Variants in WBP11 observed in about 807,000 individuals in gnomAD.
WBP11 encodes the protein WW domain-binding protein 11.
Under a neutral mutation model 66.7 loss-of-function variants are expected in WBP11, and 12 were observed. That is an observed-to-expected ratio of 0.18 (90% confidence interval 0.12 to 0.29). The LOEUF is 0.29. WBP11 is among the 10% of genes least tolerant of loss of function. The pLI is 1.00. For synonymous variants in WBP11, 255 were observed against 273.8 expected (o/e 0.93, Z 0.68); for missense variants, 555 against 818.3 (o/e 0.68, Z 3.93).
At chr12:14,801,525 T>C in intron 1 of WBP11, 97 bp from the exon 2 acceptor site, 1 of 736,282 alleles carries the variant, frequency 1.4e-6, no homozygotes, top group Non-Finnish European at 2.2e-6. Context: ...TTCCTTTAAT[T>C]AGAAATTCTG....
intron 10 of WBP11, 138 bp from the exon 11 acceptor site, chr12:14,789,271 A>G: frequency 1.2e-6 from 1 of 823,612 alleles, no homozygotes; most frequent in South Asian, 2.0e-5. Context: ...ACATACATGG[A>G]AACAGAATTC....
At chr12:14,801,151 A>C in intron 2 of WBP11, 169 bp downstream of exon 2, 1 of 541,762 alleles carries the variant, frequency 1.8e-6, no homozygotes. Context: ...ACGGGTACTA[A>C]TTTCTTTGCA....
At chr12:14,801,112 G>A (rs1338938947) in intron 2 of WBP11, 1 of 488,270 alleles carries the variant, frequency 2.0e-6, no homozygotes, top group African/African-American at 2.0e-5. Context: ...ATTCTACTTT[G>A]CAAGTCAATC....
At chr12:14,795,575 C>T (rs759211299) in intron 5 of WBP11, among the ~76,000 whole-genome samples, 3 of 151,920 alleles carry the variant, frequency 2.0e-5, no homozygotes, top group Non-Finnish European at 4.4e-5. Flanking sequence ...AATAAAACTA[C>T]AAAAATTAGC....
intron 10 of WBP11, 40 bp downstream of exon 10, chr12:14,790,416 A>G: frequency 3.8e-6 from 6 of 1,593,170 alleles, no homozygotes; most frequent in Non-Finnish European, 5.1e-6. Flanking sequence ...ACTTCATTCT[A>G]ACCTCATTTA....
chr12:14,794,404 C>CTGT (rs759336456), intron 7 of WBP11, 133 bp downstream of exon 7: 2 of 956,808 alleles, frequency 2.1e-6, no homozygotes. Context: ...ATTTATCCAA[C>CTGT]TGTATGTATA....
At position 14,791,215 on chromosome 12, in the gene WBP11, GTTC is replaced by G; in HGVS notation, c.966_968del (p.Lys322del). 9.3e-6 allele frequency: 15 copies of G among 1,614,086 alleles called. No individual in the cohort carries two copies. Among genetic ancestry groups the G allele is most frequent in the East Asian group, 2.2e-5 (1 of 44,868 alleles). The stretch of plus-strand genomic sequence containing the variant: ...CTTGAAGAGGAGTCAGTTCCTTCAT[GTTC>G]TTCTTTTTCTTCCTTGATTTTCCAG... On this transcript the variant is annotated inframe_deletion, in exon 9 of 12. Transcript: ENST00000261167.
At chr12:14,803,293 G>A (rs1592225477) in intron 1 of WBP11, 59 bp downstream of exon 1, 1 of 396,616 alleles carries the variant, frequency 2.5e-6, no homozygotes, top group Non-Finnish European at 4.4e-6. Flanking sequence ...GCCGCTGCGC[G>A]GGACGTGGAA....
At chr12:14,791,379 C>G (rs949405593) in intron 8 of WBP11, 109 bp from the exon 9 acceptor site, 22 of 771,000 alleles carry the variant, frequency 2.9e-5, no homozygotes, top group Non-Finnish European at 2.6e-5. Context: ...CACTACTTGG[C>G]AGAGGTGCAG....
At chr12:14,794,039 CAAAAAAAA>C (rs34287115) in intron 7 of WBP11, 117 bp from the exon 8 acceptor site, 3 of 331,702 alleles carry the variant, frequency 9.0e-6, no homozygotes, top group African/African-American at 2.6e-5. Context: ...TAATTCTTAC[CAAAAAAAA>C]AAAAAAAAAA....
chr12:14,786,995 A>C lies in WBP11; in HGVS notation c.*70T>G. On this transcript the variant is annotated 3_prime_UTR_variant, in exon 12 of 12. Coordinates refer to ENST00000261167, the MANE Select transcript of WBP11 (RefSeq NM_016312.3). ...ACAATGGAAGCAGCTCTTTCATCTA[A>C]GTTTAATAAGAGCCTCTTTCTCCAT... 1 of 1,414,292 alleles carries C rather than the reference A, an allele frequency of 7.1e-7. No homozygotes were observed. The highest frequency in any genetic ancestry group is 9.5e-7 in the Non-Finnish European group (1 of 1,054,476). 87.6% of individuals were successfully genotyped at this position (1,414,292 alleles called of 1,614,324 possible).
chr12:14,803,349 C>CA lies in WBP11; in HGVS notation c.-46+2dup. The CA allele has an allele frequency of 2.5e-6, 1 of 398,650 alleles. No homozygotes were observed. Among genetic ancestry groups the CA allele is most frequent in the Non-Finnish European group, 4.4e-6 (1 of 226,094 alleles). The allele number at this position is 398,650 out of a possible 1,614,324, so 24.7% of individuals were successfully genotyped here. On this transcript the variant is annotated splice_region_variant and intron_variant, in intron 1 of 11. Coordinates refer to ENST00000261167, the MANE Select transcript of WBP11 (RefSeq NM_016312.3). ...GAGTAGTAAATCAATTCAATACACT[C>CA]ACACTTCTGCTGTGCTCCCAGGACT...
intron 1 of WBP11, chr12:14,802,154 G>A (rs991917567): frequency 6.6e-6 from 1 of 152,142 alleles, no homozygotes; most frequent in East Asian, 1.9e-4. Flanking sequence ...GGTAATTAAA[G>A]GGAATACTTA....
Position 14,794,647 on chromosome 12 carries a change from G to C in WBP11, c.611C>G (p.Pro204Arg), listed in dbSNP as rs1322620532. The C allele has an allele frequency of 1.2e-6, 2 of 1,613,754 alleles. No individual in the cohort carries two copies. Among genetic ancestry groups the C allele is most frequent in the Admixed American group, 1.7e-5 (1 of 59,998 alleles). ...CACGACTTGAGGAGGAGGTGGACCAGGGGGAGGGCCAGGAGGTTTTCTGCC... is the reference window on the plus strand; with the variant it reads ...CACGACTTGAGGAGGAGGTGGACCACGGGGAGGGCCAGGAGGTTTTCTGCC... ...PPGRKPPGPPPGPPPPQVVQM... is the reference protein window; with the variant it reads ...PPGRKPPGPPRGPPPPQVVQM... Residue 204 changes from proline (P) to arginine (R), a missense_variant, in exon 7 of 12, where the codon CCT (proline) becomes CGT (arginine). This residue lies in a region of WBP11 where 220 missense variants were observed against 268.2 expected (regional missense o/e 0.82). Coordinates refer to ENST00000261167, the MANE Select transcript of WBP11 (RefSeq NM_016312.3).
chr12:14,800,925 T>C (rs1169911265), intron 2 of WBP11, 142 bp from the exon 3 acceptor site: 1 of 638,422 alleles, frequency 1.6e-6, no homozygotes, highest in Non-Finnish European at 2.6e-6. Context: ...TTCTCTCCAC[T>C]ACATGCCAAG....
Position 14,796,763 on chromosome 12 carries a change from GTATAA to G in WBP11, c.387+39_387+43del. 2 of 1,547,052 alleles carry G rather than the reference GTATAA, an allele frequency of 1.3e-6. No individual in the cohort carries two copies. Among genetic ancestry groups the G allele is most frequent in the Non-Finnish European group, 1.7e-6 (2 of 1,150,116 alleles). ...ACTTTGCATAAGGGATACTCAATCT[GTATAA>G]TATTTTAGTTTATCTCTCAAAAAAA... On this transcript the variant is annotated intron_variant, in intron 5 of 11. Coordinates refer to ENST00000261167, the MANE Select transcript of WBP11 (RefSeq NM_016312.3). The surrounding 1 kb of genome is among the most constrained non-coding windows in gnomAD (Gnocchi z 4.5).
At chr12:14,795,960 TAAA>T (rs1033213176) in intron 5 of WBP11, among the ~76,000 whole-genome samples, 6 of 152,156 alleles carry the variant, frequency 3.9e-5, no homozygotes, top group Admixed American at 3.9e-4. Flanking sequence ...TATTTTGAGG[TAAA>T]ATTTACGAAA....
At chr12:14,792,971 C>A (rs921343545) in intron 8 of WBP11, among the ~76,000 whole-genome samples, 1 of 152,078 alleles carries the variant, frequency 6.6e-6, no homozygotes, top group African/African-American at 2.4e-5. Flanking sequence ...TAGTTCCTAC[C>A]TAATAGTCCT....
intron 1 of WBP11, 136 bp from the exon 2 acceptor site, chr12:14,801,564 T>C: frequency 1.8e-6 from 1 of 564,040 alleles, no homozygotes; most frequent in Non-Finnish European, 3.1e-6. Flanking sequence ...AGTTTTGACT[T>C]TAATGTCCAA....
Sources: allele counts gnomAD v4.1 joint callset (sites outside exome capture counted in the v4.1 genomes callset), GRCh38; gene constraint gnomAD v4.1.1; regional missense constraint gnomAD v4.1.1; non-coding constraint Gnocchi (gnomAD v3.1); transcripts MANE v1.5; gene names NCBI Gene and HGNC (gene_info 2026-07-23, HGNC 2026-07-21).